The following KCNH1 variants were observed in gnomAD, a reference collection of about 807,000 sequenced individuals.
KCNH1 encodes the protein voltage-gated delayed rectifier potassium channel KCNH1.
A neutral mutation model predicts 69.2 loss-of-function variants in KCNH1; 27 were observed. The observed-to-expected ratio is 0.39, with a 90% CI of 0.29 to 0.54. The LOEUF (loss-of-function observed/expected upper bound fraction) is 0.54, where lower values mean the gene tolerates loss of function less well. Ranked by LOEUF, KCNH1 falls within the 20% of genes least tolerant of loss-of-function variation. The pLI, the probability that KCNH1 is intolerant of heterozygous loss-of-function variation, is 0.68. For synonymous variants in KCNH1, 456 were observed against 487.7 expected, an observed-to-expected ratio of 0.93 and a Z score of 0.86; for missense variants, 798 against 1,261.6, an observed-to-expected ratio of 0.63 and a Z score of 5.57.
At chr1:210,907,761 T>C (rs1350336994) in intron 7 of KCNH1, among the ~76,000 whole-genome samples, 1 of 152,012 alleles carries the variant, frequency 6.6e-6, no homozygotes, top group African/African-American at 2.4e-5. Flanking sequence ...CACATAGCAA[T>C]TGAGAAATGA....
chr1:211,099,627 T>G (rs1044985071), intron 3 of KCNH1, among the ~76,000 whole-genome samples: 1 of 152,112 alleles, frequency 6.6e-6, no homozygotes. Flanking sequence ...GCCCTCACTT[T>G]GCATCACATG....
chr1:211,102,063 A>G (rs1336465703), intron 3 of KCNH1, among the ~76,000 whole-genome samples: 1 of 152,146 alleles, frequency 6.6e-6, no homozygotes. Context: ...GTTCATGTCT[A>G]CCTAAAGTAC....
intron 10 of KCNH1, among the ~76,000 whole-genome samples, chr1:210,698,997 C>A (rs151262100): frequency 1.3e-5 from 2 of 152,226 alleles, no homozygotes; most frequent in Non-Finnish European, 2.9e-5. Context: ...CATCTCCCAG[C>A]CTACTGTGCA....
intron 4 of KCNH1, among the ~76,000 whole-genome samples, chr1:211,084,768 T>C (rs2102468653): frequency 6.6e-6 from 1 of 152,356 alleles, no homozygotes; most frequent in East Asian, 1.9e-4. Context: ...TCCTGCTCTA[T>C]AGATACTTTA....
chr1:210,747,057 T>G (rs920679975), intron 10 of KCNH1, among the ~76,000 whole-genome samples: 1 of 152,168 alleles, frequency 6.6e-6, no homozygotes, highest in African/African-American at 2.4e-5. Flanking sequence ...GATTTCACAC[T>G]GCAACAGGGG....
intron 9 of KCNH1, among the ~76,000 whole-genome samples, chr1:210,785,051 T>G (rs146081107): frequency 3.5e-4 from 53 of 152,278 alleles, no homozygotes; most frequent in Admixed American, 7.2e-4. Context: ...CATCTCTATC[T>G]TCAAAGAGAT....
chr1:210,720,401 T>C (rs1185192985), intron 10 of KCNH1, among the ~76,000 whole-genome samples: 2 of 152,192 alleles, frequency 1.3e-5, no homozygotes, highest in East Asian at 3.8e-4. Flanking sequence ...AAAACTTTCT[T>C]ATTTTATCTC....
chr1:210,806,826 A>ATATATATATATATATATATATATAT (rs1558477801), intron 7 of KCNH1, among the ~76,000 whole-genome samples: 3 of 48,228 alleles, frequency 6.2e-5, no homozygotes, highest in African/African-American at 1.3e-4. Context: ...AAAAAAAAAA[A>ATATATATATATATATATATATATAT]AAAAAAAAAA....
intron 4 of KCNH1, among the ~76,000 whole-genome samples, chr1:211,088,827 C>A (rs1054388646): frequency 1.3e-5 from 2 of 152,066 alleles, no homozygotes; most frequent in Admixed American, 6.5e-5. Context: ...TCATGAGTGT[C>A]TGTAAGTATG....
At position 210,683,413 on chromosome 1, in the gene KCNH1, A is replaced by G. The variant is rs1370830200; in HGVS notation, c.2838T>C (p.Asn946=). The G allele has an allele frequency of 1.2e-6, 2 of 1,614,090 alleles. No individual in the cohort carries two copies. Among genetic ancestry groups the G allele is most frequent in the East Asian group, 2.2e-5 (1 of 44,868 alleles). ...GTATCTCAGAGAGCTGTTTCTCAAT[A>G]TTGGTCATTTTGGCGTTTAAGGCCT... The part of the protein sequence containing the change: ...DIKALNAKMT[N]IEKQLSEILR... The change falls in exon 11 of 11, where the codon AAT becomes AAC. Residue 946 remains asparagine (N), a synonymous_variant. Coordinates refer to ENST00000271751, the MANE Select transcript of KCNH1 (RefSeq NM_172362.3). This position sits in a 1 kb window ranked among gnomAD's most constrained non-coding sequence, Gnocchi z 5.7.
At chr1:210,992,406 T>G (rs548906538) in intron 6 of KCNH1, among the ~76,000 whole-genome samples, 1 of 152,188 alleles carries the variant, frequency 6.6e-6, no homozygotes, top group Non-Finnish European at 1.5e-5. Flanking sequence ...GAAGAAATTA[T>G]ATTCCCTCTA....
chr1:210,876,226 G>A (rs2102501516), intron 7 of KCNH1, among the ~76,000 whole-genome samples: 1 of 152,270 alleles, frequency 6.6e-6, no homozygotes, highest in East Asian at 1.9e-4. Context: ...TATATTAAAT[G>A]TCTATATTAA....
chr1:211,086,930 C>A (rs1309444433), intron 4 of KCNH1, among the ~76,000 whole-genome samples: 2 of 152,146 alleles, frequency 1.3e-5, no homozygotes, highest in African/African-American at 4.8e-5. Context: ...ACTGCCTAAG[C>A]GTCCTCAAGT....
At position 211,016,804 on chromosome 1, in the gene KCNH1, G is replaced by T. The variant is rs1002267827; in HGVS notation, c.1032+1979C>A. 2.7e-5 allele frequency among the ~76,000 whole-genome samples: 4 copies of T among 149,910 alleles called. No individual in the cohort carries two copies. The East Asian group carries it at 7.9e-4, about 29-fold the overall frequency. On this transcript the variant is annotated intron_variant, in intron 6 of 10. Transcript: ENST00000271751. ...CGTGCCTATAATCCCAGCTACTTGGGAGGCTGAGGCAGGAGAATTGCCTGA... is the reference window on the plus strand; with the variant it reads ...CGTGCCTATAATCCCAGCTACTTGGTAGGCTGAGGCAGGAGAATTGCCTGA...
intron 10 of KCNH1, among the ~76,000 whole-genome samples, chr1:210,690,051 C>G (rs1681495754): frequency 2.0e-5 from 3 of 152,346 alleles, no homozygotes; most frequent in African/African-American, 7.2e-5. Flanking sequence ...CTCACACTTC[C>G]AGCCAGACTC....
chr1:210,993,748 T>C (rs1161849383), intron 6 of KCNH1, among the ~76,000 whole-genome samples: 1 of 152,196 alleles, frequency 6.6e-6, no homozygotes, highest in African/African-American at 2.4e-5. Flanking sequence ...CTAAGCTAAA[T>C]TTGACCCCTA....
chr1:210,853,771 T>C (rs1343913713), intron 7 of KCNH1, among the ~76,000 whole-genome samples: 1 of 152,102 alleles, frequency 6.6e-6, no homozygotes, highest in African/African-American at 2.4e-5. Context: ...TTCTGATCAA[T>C]ACCTTTGTCT....
At chr1:210,924,148 C>T (rs776933244) in intron 6 of KCNH1, among the ~76,000 whole-genome samples, 53 of 152,328 alleles carry the variant, frequency 3.5e-4, no homozygotes, top group Non-Finnish European at 7.1e-4. Flanking sequence ...AATAGATTCT[C>T]TCCATGGCCC....
intron 1 of KCNH1, among the ~76,000 whole-genome samples, chr1:211,115,676 GT>G (rs1293211288): frequency 2.2e-5 from 3 of 134,616 alleles, no homozygotes; most frequent in South Asian, 2.4e-4. Flanking sequence ...TTGTGATTGT[GT>G]AAGTTAATAC....
Sources: gnomAD v4.1 joint callset for allele counts (sites outside exome capture counted in the v4.1 genomes callset) on GRCh38, gnomAD v4.1.1 for gene constraint, Gnocchi (gnomAD v3.1) non-coding constraint, MANE v1.5 for transcripts, NCBI Gene and HGNC (gene_info 2026-07-23, HGNC 2026-07-21) for gene names.